SLC48A1: variants seen among roughly 807,000 people sequenced by gnomAD.
SLC48A1 encodes solute carrier family 48 member 1, also known as heme transporter HRG1.
SLC48A1 carries 6 observed loss-of-function variants against 14.8 expected under a neutral mutation model. That is an observed-to-expected ratio of 0.41 (90% CI 0.22 to 0.80). The LOEUF (loss-of-function observed/expected upper bound fraction) is 0.80, where lower values mean the gene tolerates loss of function less well. Ranked by LOEUF, SLC48A1 falls within the 30% of genes least tolerant of loss-of-function variation. SLC48A1 has a pLI of 0.34. For synonymous variants in SLC48A1, 89 were observed against 90.0 expected (o/e 0.99, Z 0.06); for missense variants, 165 against 204.8 (o/e 0.81, Z 1.19).
intron 1 of SLC48A1, chr12:47,760,092 A>T: frequency 2.3e-6 from 1 of 438,922 alleles, no homozygotes; most frequent in Non-Finnish European, 3.0e-6. Flanking sequence ...TCCCATTTTT[A>T]ATGTATACAT....
chr12:47,766,443 GGTGAATT>G (rs1942516341), intron 2 of SLC48A1, among the ~76,000 whole-genome samples: 1 of 152,192 alleles, frequency 6.6e-6, no homozygotes, highest in Non-Finnish European at 1.5e-5. Context: ...TCCCTGTGGA[GGTGAATT>G]GCAGGCTTTA....
upstream of SLC48A1, chr12:47,756,002 C>T (rs999493171): frequency 2.0e-5 from 3 of 152,242 alleles, no homozygotes; most frequent in African/African-American, 7.2e-5. Context: ...CAAAGTTGGT[C>T]ATCAGAAGAG....
At chr12:47,773,522 G>T in intron 1 of SLC48A1, 82 bp downstream of exon 1, 19 of 1,240,320 alleles carry the variant, frequency 1.5e-5, no homozygotes, top group South Asian at 2.9e-5. Flanking sequence ...CGCTCCCCGC[G>T]AGCGGCGCTT....
intron 1 of SLC48A1, among the ~76,000 whole-genome samples, chr12:47,776,915 C>T (rs1385128742): frequency 2.0e-5 from 3 of 152,142 alleles, no homozygotes; most frequent in Admixed American, 2.0e-4. Flanking sequence ...AAGCTGGCTT[C>T]TAGAATCTTT....
chr12:47,759,702 C>T (rs1942312731), intron 1 of SLC48A1, among the ~76,000 whole-genome samples: 2 of 152,338 alleles, frequency 1.3e-5, no homozygotes, highest in South Asian at 4.1e-4. Context: ...CAGCGCGGGC[C>T]TCTTCGCCCC....
chr12:47,771,211 G>A (rs1406733963), upstream of SLC48A1, among the ~76,000 whole-genome samples: 1 of 152,162 alleles, frequency 6.6e-6, no homozygotes, highest in Non-Finnish European at 1.5e-5. Context: ...TACATCCCTT[G>A]TTTGGCAGTT....
chr12:47,776,984 G>C (rs1470887767), intron 1 of SLC48A1, among the ~76,000 whole-genome samples: 2 of 152,210 alleles, frequency 1.3e-5, no homozygotes, highest in Non-Finnish European at 2.9e-5. Flanking sequence ...CGAGGAGACA[G>C]AGGGCGAGGG....
upstream of SLC48A1, chr12:47,758,504 T>TCCCG (rs771000233): frequency 1.0e-5 from 16 of 1,602,310 alleles, no homozygotes; most frequent in Non-Finnish European, 1.2e-5. Flanking sequence ...CAGCTTCCTC[T>TCCCG]CCCGCCCTCT....
chr12:47,767,639 T>C (rs946987524), upstream of SLC48A1, among the ~76,000 whole-genome samples: 2 of 152,172 alleles, frequency 1.3e-5, no homozygotes, highest in Non-Finnish European at 2.9e-5. Context: ...AAAAATACAA[T>C]TTTTTGTCAT....
At chr12:47,773,198 G>A, upstream of SLC48A1, 4 of 1,015,612 alleles carry the variant, frequency 3.9e-6, no homozygotes, top group Non-Finnish European at 4.7e-6. Flanking sequence ...CGGAGCGCGG[G>A]GCGCCGGCTG....
At chr12:47,755,245 G>T (rs906648515), upstream of SLC48A1, among the ~76,000 whole-genome samples, 2 of 152,166 alleles carry the variant, frequency 1.3e-5, no homozygotes, top group Non-Finnish European at 2.9e-5. Context: ...CCTCTCTGTG[G>T]CTTTGTTTTC....
chr12:47,779,045 G>T lies in SLC48A1; in HGVS notation c.154G>T (p.Val52Phe). 6.4e-7 allele frequency: 1 copy of T among 1,551,704 alleles called. No homozygotes were observed. Among genetic ancestry groups the T allele is most frequent in the Non-Finnish European group, 8.7e-7 (1 of 1,146,984 alleles). Residue 52 changes from valine to phenylalanine, a missense_variant, in exon 2 of 3, where the codon GTC (valine) becomes TTC (phenylalanine). By Grantham distance (50) the Val-to-Phe change is conservative. Transcript: ENST00000442218. ...GGLAGVLALW[V>F]LVTHVMYMQD... ...TCCTGCAGGGGTGCTGGCACTGTGG[G>T]TCCTGGTGACGCACGTGATGTACAT...
rs560921904 is a variant in SLC48A1, at chr12:47,773,811, C to T, written c.136+371C>T. 2.8e-3 allele frequency among the ~76,000 whole-genome samples: 418 copies of T among 150,396 alleles called. 1 individual carries two copies. The highest frequency in any genetic ancestry group is 5.0e-3 in the Non-Finnish European group (337 of 67,352). On this transcript the variant is annotated intron_variant, in intron 1 of 2. Coordinates refer to ENST00000442218, the MANE Select transcript of SLC48A1 (RefSeq NM_017842.3). ...GCGCTGGTCGCCTCCTATCCCCAAA[C>T]ACACACACACACACACACGCACACA...
chr12:47,757,706 G>A (rs1288986252), upstream of SLC48A1, among the ~76,000 whole-genome samples: 2 of 152,044 alleles, frequency 1.3e-5, no homozygotes, highest in Non-Finnish European at 2.9e-5. Context: ...AGCCACCCAC[G>A]CACACTGCAG....
upstream of SLC48A1, among the ~76,000 whole-genome samples, chr12:47,757,639 A>C (rs1300016719): frequency 6.6e-6 from 1 of 152,092 alleles, no homozygotes; most frequent in Non-Finnish European, 1.5e-5. Flanking sequence ...CCCCATGCCC[A>C]AACAGAGACA....
chr12:47,782,750 C>T lies in SLC48A1; in HGVS notation c.*2469C>T, dbSNP rs1262954258. ...TAAAGCAAATAAAACATTTATTGTT[C>T]AGATTTTTTTCCATTTTCTTCCTTT... On this transcript the variant is annotated 3_prime_UTR_variant, in exon 3 of 3. Coordinates refer to ENST00000442218, the MANE Select transcript of SLC48A1 (RefSeq NM_017842.3). 3 of 152,440 alleles carry T rather than the reference C, an allele frequency of 2.0e-5. No individual in the cohort carries two copies. Among genetic ancestry groups the T allele is most frequent in the African/African-American group, 7.2e-5 (3 of 41,440 alleles). 9.4% of individuals were successfully genotyped at this position (152,440 alleles called of 1,614,324 possible).
At position 47,780,845 on chromosome 12, in the gene SLC48A1, G is replaced by A. The variant is rs751696713; in HGVS notation, c.*564G>A. Reference sequence around the variant, plus strand: ...GCCTTCCAAAGTGCTGGGATTATAGGTGTGAGCCACCGTGCCCGGCCTGGA... The same window carrying A: ...GCCTTCCAAAGTGCTGGGATTATAGATGTGAGCCACCGTGCCCGGCCTGGA... On this transcript the variant is annotated 3_prime_UTR_variant, in exon 3 of 3. Transcript: ENST00000442218. 1 of 519,752 alleles carries A rather than the reference G, an allele frequency of 1.9e-6. No homozygotes were observed. Among genetic ancestry groups the A allele is most frequent in the South Asian group, 1.4e-5 (1 of 69,706 alleles). The allele number at this position is 519,752 out of a possible 1,614,324, so 32.2% of individuals were successfully genotyped here. A position where few individuals can be genotyped will look rare whatever the true frequency, so the allele number is the denominator to read the frequency against.
At chr12:47,776,407 G>T (rs1942754224) in intron 1 of SLC48A1, among the ~76,000 whole-genome samples, 1 of 152,158 alleles carries the variant, frequency 6.6e-6, no homozygotes, top group Admixed American at 6.5e-5. Context: ...GCTTCCTAGA[G>T]TCCCCAAGTG....
chr12:47,758,232 G>A (rs1311605138), upstream of SLC48A1: 10 of 1,435,246 alleles, frequency 7.0e-6, no homozygotes, highest in Non-Finnish European at 9.1e-6. Context: ...GGGAGGAACA[G>A]GAAGACCTTC....
Sources: gnomAD v4.1 joint callset for allele counts (sites outside exome capture counted in the v4.1 genomes callset) on GRCh38, gnomAD v4.1.1 for gene constraint, MANE v1.5 for transcripts, NCBI Gene and HGNC (gene_info 2026-07-23, HGNC 2026-07-21) for gene names.